The following NEGR1 variants were observed in gnomAD, a reference collection of about 807,000 sequenced individuals.
NEGR1 encodes the protein neuronal growth regulator 1.
Under a neutral mutation model 40.9 loss-of-function variants are expected in NEGR1, and 10 were observed. That is an observed-to-expected ratio of 0.24 (90% CI 0.15 to 0.42). The LOEUF is 0.42. Ranked by LOEUF, NEGR1 falls within the 10% of genes least tolerant of loss-of-function variation. NEGR1 has a pLI of 1.00. For missense variants in NEGR1, 352 were observed against 438.9 expected (o/e 0.80, Z 1.77); for synonymous variants, 185 against 166.8 (o/e 1.11, Z -0.84).
intron 1 of NEGR1, among the ~76,000 whole-genome samples, chr1:71,987,610 G>A (rs529939345): frequency 6.6e-6 from 1 of 152,296 alleles, no homozygotes; most frequent in South Asian, 2.1e-4. Context: ...ATTGCATGGG[G>A]TTAGAGCATA....
At chr1:71,694,833 A>G (rs1384358183) in intron 4 of NEGR1, among the ~76,000 whole-genome samples, 1 of 151,782 alleles carries the variant, frequency 6.6e-6, no homozygotes, top group African/African-American at 2.4e-5. Context: ...GTTTCTCTTC[A>G]AATTATAACT....
chr1:71,512,993 T>C lies in NEGR1; in HGVS notation c.940+79824A>G, dbSNP rs181061064. 2.9e-4 allele frequency among the ~76,000 whole-genome samples: 44 copies of C among 152,266 alleles called. 1 individual carries two copies. The highest frequency in any genetic ancestry group is 2.1e-3 in the Admixed American group (32 of 15,300). On this transcript the variant is annotated intron_variant, in intron 6 of 6. Transcript: ENST00000357731. ...GAAACTAACAGTTTTACTATACATA[T>C]AACATCGACAAAAAATACCTCATAA...
intron 6 of NEGR1, among the ~76,000 whole-genome samples, chr1:71,546,620 AC>A: frequency 6.6e-6 from 1 of 151,738 alleles, no homozygotes; most frequent in East Asian, 2.0e-4. Context: ...CAGTACTATT[AC>A]TATCATCATT....
At chr1:72,268,673 T>G (rs774040296) in intron 1 of NEGR1, among the ~76,000 whole-genome samples, 4 of 151,404 alleles carry the variant, frequency 2.6e-5, no homozygotes, top group Non-Finnish European at 5.9e-5. Flanking sequence ...AAAGAAAAAT[T>G]AAAAATCAAT....
At chr1:72,245,474 C>T (rs376860090) in intron 1 of NEGR1, among the ~76,000 whole-genome samples, 18 of 152,142 alleles carry the variant, frequency 1.2e-4, no homozygotes, top group African/African-American at 4.3e-4. Context: ...ATTAGTGATT[C>T]CTGAAAGCAT....
At chr1:72,125,292 AT>A in intron 1 of NEGR1, among the ~76,000 whole-genome samples, 1 of 152,204 alleles carries the variant, frequency 6.6e-6, no homozygotes. Flanking sequence ...GGGCACATGT[AT>A]TTCAGTTACT....
chr1:71,753,829 G>A (rs900564703), intron 3 of NEGR1, among the ~76,000 whole-genome samples: 3 of 152,276 alleles, frequency 2.0e-5, no homozygotes, highest in Non-Finnish European at 4.4e-5. Flanking sequence ...TTGGCAATAT[G>A]TGACGGCTGG....
At chr1:71,960,345 C>A (rs1253850284) in intron 1 of NEGR1, among the ~76,000 whole-genome samples, 4 of 152,116 alleles carry the variant, frequency 2.6e-5, no homozygotes, top group Non-Finnish European at 4.4e-5. Flanking sequence ...TAAAAATGTT[C>A]TCCTAATTCC....
intron 3 of NEGR1, among the ~76,000 whole-genome samples, chr1:71,713,951 C>G (rs1654189051): frequency 1.3e-5 from 2 of 152,212 alleles, no homozygotes; most frequent in African/African-American, 4.8e-5. Flanking sequence ...AATTTTTAAC[C>G]TCTGTTAGGG....
At chr1:72,072,486 A>G (rs1647509884) in intron 1 of NEGR1, among the ~76,000 whole-genome samples, 1 of 152,176 alleles carries the variant, frequency 6.6e-6, no homozygotes, top group Admixed American at 6.6e-5. Flanking sequence ...TTGCAGACAG[A>G]CCTGCATGAA....
chr1:71,697,410 T>C (rs1653513240), intron 4 of NEGR1, among the ~76,000 whole-genome samples: 1 of 151,830 alleles, frequency 6.6e-6, no homozygotes, highest in African/African-American at 2.4e-5. Context: ...AATCATCTTA[T>C]ATCAGTGTGG....
chr1:71,579,465 C>A (rs1028028984), intron 6 of NEGR1, among the ~76,000 whole-genome samples: 1 of 152,122 alleles, frequency 6.6e-6, no homozygotes, highest in East Asian at 1.9e-4. Flanking sequence ...TATGACATTA[C>A]TGGTTAATCT....
At chr1:72,135,937 T>C (rs1650446321) in intron 1 of NEGR1, among the ~76,000 whole-genome samples, 1 of 152,214 alleles carries the variant, frequency 6.6e-6, no homozygotes, top group Admixed American at 6.5e-5. Context: ...TGTTGGAGAA[T>C]AATTTGCCCA....
chr1:72,077,834 T>G (rs1263182218), intron 1 of NEGR1, among the ~76,000 whole-genome samples: 1 of 151,650 alleles, frequency 6.6e-6, no homozygotes, highest in African/African-American at 2.4e-5. Context: ...AAAAAGGGGA[T>G]GAAAATTTCC....
chr1:71,669,532 A>G (rs942741161), intron 4 of NEGR1, among the ~76,000 whole-genome samples: 2 of 152,142 alleles, frequency 1.3e-5, no homozygotes, highest in Non-Finnish European at 2.9e-5. Flanking sequence ...TGCAGCCTTG[A>G]ATTACTGAAG....
chr1:72,185,266 A>C (rs1652571048), intron 1 of NEGR1, among the ~76,000 whole-genome samples: 1 of 151,984 alleles, frequency 6.6e-6, no homozygotes, highest in African/African-American at 2.4e-5. Context: ...AATAGTGTTT[A>C]GAATAAGAGC....
intron 1 of NEGR1, among the ~76,000 whole-genome samples, chr1:71,950,791 T>C (rs1024130717): frequency 6.6e-6 from 1 of 151,976 alleles, no homozygotes. Context: ...AGGTCTATTG[T>C]TTCTGGCTGT....
intron 1 of NEGR1, among the ~76,000 whole-genome samples, chr1:72,178,461 A>G (rs1362734344): frequency 4.0e-5 from 6 of 151,674 alleles, no homozygotes; most frequent in Non-Finnish European, 1.5e-5. Context: ...GACAGCTCAC[A>G]TAAAAAACTA....
chr1:72,226,024 A>G (rs1309234741), intron 1 of NEGR1, among the ~76,000 whole-genome samples: 1 of 152,002 alleles, frequency 6.6e-6, no homozygotes, highest in East Asian at 1.9e-4. Flanking sequence ...AAGTTCAGAA[A>G]TAAATAAATT....
Sources: gnomAD v4.1 joint callset for allele counts (sites outside exome capture counted in the v4.1 genomes callset) on GRCh38, gnomAD v4.1.1 for gene constraint, MANE v1.5 for transcripts, NCBI Gene and HGNC (gene_info 2026-07-23, HGNC 2026-07-21) for gene names.